ROBO1: variants seen among roughly 807,000 people sequenced by gnomAD.
ROBO1 encodes roundabout homolog 1.
In ROBO1, 149 loss-of-function variants were observed where a neutral mutation model predicts 195.9. The observed-to-expected ratio is 0.76, with a 90% CI of 0.67 to 0.87. ROBO1 has a LOEUF of 0.87. Ranked by LOEUF, ROBO1 falls within the 40% of genes least tolerant of loss-of-function variation. The pLI, the probability that ROBO1 is intolerant of heterozygous loss-of-function variation, is 0.00. For synonymous variants in ROBO1, 816 were observed against 733.2 expected (o/e 1.11, Z -1.82); for missense variants, 1,933 against 2,068.3 (o/e 0.93, Z 1.27).
At position 79,518,056 on chromosome 3, in the gene ROBO1, G is replaced by C. The variant is rs1941029189; in HGVS notation, c.88+71768C>G. ...GAAGAATCCTGGAGCTTGCATTGCT[G>C]TCTGAGTGGCCTTCTAATTTACCTA... On this transcript the variant is annotated intron_variant, in intron 2 of 30. Transcript: ENST00000464233. Among the ~76,000 whole-genome samples the C allele has an allele frequency of 7.9e-5, 12 of 152,310 alleles. No homozygotes were observed. In the South Asian group the frequency reaches 2.5e-3, roughly 32 times the overall value.
At chr3:79,073,804 AC>A (rs769104737) in intron 3 of ROBO1, among the ~76,000 whole-genome samples, 4 of 150,336 alleles carry the variant, frequency 2.7e-5, no homozygotes, top group Non-Finnish European at 6.0e-5. Context: ...TGGCAGAGAT[AC>A]AGTGAATGTG....
intron 2 of ROBO1, among the ~76,000 whole-genome samples, chr3:79,281,780 C>A (rs2109003310): frequency 6.6e-6 from 1 of 152,232 alleles, no homozygotes; most frequent in South Asian, 2.1e-4. Flanking sequence ...AGGGAACAAA[C>A]TTTCTATTTT....
At chr3:79,679,598 T>G (rs1211236592) in intron 1 of ROBO1, among the ~76,000 whole-genome samples, 4 of 152,068 alleles carry the variant, frequency 2.6e-5, no homozygotes, top group Non-Finnish European at 4.4e-5. Context: ...TTAACTCAAT[T>G]TAACAAGTAA....
At chr3:78,911,711 C>T (rs1433063158) in intron 4 of ROBO1, among the ~76,000 whole-genome samples, 1 of 151,960 alleles carries the variant, frequency 6.6e-6, no homozygotes, top group Non-Finnish European at 1.5e-5. Flanking sequence ...AAGGACTTGT[C>T]AAATTTTTTC....
chr3:79,303,450 G>A (rs1344597533), intron 2 of ROBO1, among the ~76,000 whole-genome samples: 1 of 152,124 alleles, frequency 6.6e-6, no homozygotes, highest in Non-Finnish European at 1.5e-5. Context: ...ACAGGTGTGA[G>A]CCACTGTGCC....
chr3:79,035,469 C>T lies in ROBO1; in HGVS notation c.172+89987G>A, dbSNP rs117621850. ...GTGAGGTGGCTCATGCCTGCAATCC[C>T]GGCACTTTGGGAGGCCCAGGCAGGA... is the stretch of plus-strand genomic sequence containing the variant. On this transcript the variant is annotated intron_variant, in intron 3 of 30. Coordinates refer to ENST00000464233, the MANE Select transcript of ROBO1 (RefSeq NM_002941.4). 2.0e-3 allele frequency among the ~76,000 whole-genome samples: 298 copies of T among 152,212 alleles called. 5 individuals carry two copies. In the East Asian group the frequency reaches 0.025, roughly 13 times the overall value.
At chr3:79,464,270 G>C (rs1339839031) in intron 2 of ROBO1, among the ~76,000 whole-genome samples, 1 of 152,076 alleles carries the variant, frequency 6.6e-6, no homozygotes, top group Admixed American at 6.5e-5. Flanking sequence ...ATTTTCGTTT[G>C]GCTTGAATAT....
At chr3:78,604,128 T>TG (rs1181901056) in intron 29 of ROBO1, among the ~76,000 whole-genome samples, 4 of 152,150 alleles carry the variant, frequency 2.6e-5, no homozygotes, top group African/African-American at 9.7e-5. Context: ...TGGAGTATAA[T>TG]GGCATGATCT....
At chr3:78,963,018 G>T (rs1393316294) in intron 3 of ROBO1, among the ~76,000 whole-genome samples, 3 of 151,238 alleles carry the variant, frequency 2.0e-5, no homozygotes, top group African/African-American at 4.9e-5. Context: ...GCAGGCACTC[G>T]GTGTTGAGCA....
chr3:79,083,864 G>C (rs945048376), intron 3 of ROBO1, among the ~76,000 whole-genome samples: 1 of 152,134 alleles, frequency 6.6e-6, no homozygotes, highest in South Asian at 2.1e-4. Context: ...TTCATGAAGG[G>C]AATTTCAATT....
chr3:79,390,342 G>A (rs2036901574), intron 2 of ROBO1, among the ~76,000 whole-genome samples: 1 of 152,032 alleles, frequency 6.6e-6, no homozygotes, highest in Non-Finnish European at 1.5e-5. Context: ...ATAAGATTGG[G>A]AGTTAGAGAT....
chr3:79,211,952 T>C (rs1429878224), intron 2 of ROBO1, among the ~76,000 whole-genome samples: 1 of 152,220 alleles, frequency 6.6e-6, no homozygotes, highest in African/African-American at 2.4e-5. Context: ...AAGCTAGTGA[T>C]AAGCATTGTT....
chr3:78,993,596 G>T (rs1280280151), intron 3 of ROBO1, among the ~76,000 whole-genome samples: 1 of 152,112 alleles, frequency 6.6e-6, no homozygotes, highest in Admixed American at 6.6e-5. Context: ...TTGCATTTCC[G>T]CCATGACCTC....
At chr3:78,653,030 G>A (rs1166223815) in intron 18 of ROBO1, among the ~76,000 whole-genome samples, 1 of 152,102 alleles carries the variant, frequency 6.6e-6, no homozygotes, top group Non-Finnish European at 1.5e-5. Flanking sequence ...AAACAAGAAG[G>A]TGTTGGCCCA....
chr3:78,846,268 CT>C (rs1285162187), intron 4 of ROBO1, among the ~76,000 whole-genome samples: 1 of 152,076 alleles, frequency 6.6e-6, no homozygotes, highest in African/African-American at 2.4e-5. Flanking sequence ...AAAACAAAGG[CT>C]GTTCTTCTTG....
intron 3 of ROBO1, among the ~76,000 whole-genome samples, chr3:79,060,799 G>A (rs1476965020): frequency 6.6e-6 from 1 of 152,022 alleles, no homozygotes; most frequent in Non-Finnish European, 1.5e-5. Context: ...AAATTCAACA[G>A]CGCTTTATGC....
chr3:79,582,392 TTC>T (rs1490205970), intron 2 of ROBO1, among the ~76,000 whole-genome samples: 1 of 151,748 alleles, frequency 6.6e-6, no homozygotes, highest in Non-Finnish European at 1.5e-5. Flanking sequence ...TTTTTCTATA[TTC>T]TATTATAATA....
intron 4 of ROBO1, among the ~76,000 whole-genome samples, chr3:78,785,852 T>C (rs999762645): frequency 6.6e-6 from 1 of 152,226 alleles, no homozygotes; most frequent in Non-Finnish European, 1.5e-5. Context: ...AAATCATGGA[T>C]ATTTTATTTA....
intron 3 of ROBO1, among the ~76,000 whole-genome samples, chr3:79,024,985 TC>T (rs2078176365): frequency 6.6e-6 from 1 of 152,142 alleles, no homozygotes; most frequent in African/African-American, 2.4e-5. Context: ...CCAGTGGTTT[TC>T]CTGTCTTACT....
Sources: allele counts gnomAD v4.1 joint callset (sites outside exome capture counted in the v4.1 genomes callset), GRCh38; gene constraint gnomAD v4.1.1; transcripts MANE v1.5; gene names NCBI Gene and HGNC (gene_info 2026-07-23, HGNC 2026-07-21).